Variants in RAD51B observed in about 807,000 individuals in gnomAD.
RAD51B encodes DNA repair protein RAD51 homolog 2.
A neutral mutation model predicts 42.2 loss-of-function variants in RAD51B; 38 were observed. The ratio of observed to expected loss-of-function variants is 0.90; its 90% CI spans 0.70 to 1.18. RAD51B has a LOEUF of 1.18. RAD51B is among the 50% of genes most tolerant of loss of function. The pLI is 0.00. For synonymous variants in RAD51B, 154 were observed against 145.2 expected (o/e 1.06, Z -0.43); for missense variants, 373 against 400.7 (o/e 0.93, Z 0.59).
At chr14:68,095,633 T>A (rs1028028827) in intron 7 of RAD51B, among the ~76,000 whole-genome samples, 1 of 152,082 alleles carries the variant, frequency 6.6e-6, no homozygotes, top group African/African-American at 2.4e-5. Context: ...AGTAGCACTT[T>A]ATATTTACTT....
At chr14:67,825,606 T>C in intron 3 of RAD51B, 29 bp downstream of exon 3, 1 of 1,498,518 alleles carries the variant, frequency 6.7e-7, no homozygotes, top group Non-Finnish European at 9.2e-7. Flanking sequence ...ATGATTTGAT[T>C]ATGAATGATT....
chr14:68,567,676 A>G (rs1381969091), intron 10 of RAD51B, among the ~76,000 whole-genome samples: 2 of 152,204 alleles, frequency 1.3e-5, no homozygotes, highest in African/African-American at 4.8e-5. Flanking sequence ...TTTCTACCCC[A>G]GTCATCACGG....
chr14:68,508,318 C>T (rs1261828860), intron 10 of RAD51B, among the ~76,000 whole-genome samples: 3 of 152,118 alleles, frequency 2.0e-5, no homozygotes, highest in African/African-American at 7.2e-5. Context: ...CATGGCTCCT[C>T]AGTGAATTCT....
intron 10 of RAD51B, among the ~76,000 whole-genome samples, chr14:68,517,650 G>C (rs994701424): frequency 1.3e-5 from 2 of 152,160 alleles, no homozygotes; most frequent in Admixed American, 6.5e-5. Context: ...AGGTAAATGT[G>C]CTACATGCTA....
At chr14:67,947,811 T>C (rs2045446568) in intron 7 of RAD51B, among the ~76,000 whole-genome samples, 1 of 152,236 alleles carries the variant, frequency 6.6e-6, no homozygotes. Flanking sequence ...CTTTGTGTTC[T>C]GATGTATATA....
intron 10 of RAD51B, among the ~76,000 whole-genome samples, chr14:68,580,552 G>A (rs1464176692): frequency 2.6e-5 from 4 of 152,238 alleles, no homozygotes; most frequent in East Asian, 1.9e-4. Flanking sequence ...TGTTATACAC[G>A]TGGGCTTTAT....
chr14:68,579,400 T>C (rs546053959), intron 10 of RAD51B, among the ~76,000 whole-genome samples: 129 of 152,188 alleles, frequency 8.5e-4, no homozygotes, highest in Non-Finnish European at 1.5e-3. Flanking sequence ...ATCAAAGGCA[T>C]AGCAGCAGCC....
intron 11 of RAD51B, among the ~76,000 whole-genome samples, chr14:68,668,832 G>A (rs1054304176): frequency 6.6e-6 from 1 of 152,242 alleles, no homozygotes; most frequent in African/African-American, 2.4e-5. Flanking sequence ...GCATCTGCAT[G>A]TCTGAAGCAG....
At chr14:68,530,613 G>GA (rs766029411) in intron 10 of RAD51B, among the ~76,000 whole-genome samples, 19 of 151,862 alleles carry the variant, frequency 1.3e-4, no homozygotes, top group Non-Finnish European at 1.5e-4. Context: ...TCTGAAAGGG[G>GA]AAAAAAATCA....
chr14:68,506,831 A>G (rs1885364605), intron 10 of RAD51B, among the ~76,000 whole-genome samples: 1 of 152,200 alleles, frequency 6.6e-6, no homozygotes, highest in Admixed American at 6.5e-5. Context: ...GTGTGCACAC[A>G]TGGTAGGCGC....
At chr14:68,133,838 A>G (rs983998293) in intron 7 of RAD51B, among the ~76,000 whole-genome samples, 12 of 152,070 alleles carry the variant, frequency 7.9e-5, no homozygotes, top group Non-Finnish European at 1.3e-4. Flanking sequence ...AAATAATTAT[A>G]TATTCATAGC....
chr14:68,186,598 A>G (rs1171226924), intron 7 of RAD51B, among the ~76,000 whole-genome samples: 1 of 152,226 alleles, frequency 6.6e-6, no homozygotes, highest in Non-Finnish European at 1.5e-5. Flanking sequence ...CAAGCAACCA[A>G]CAAACATATG....
intron 10 of RAD51B, among the ~76,000 whole-genome samples, chr14:68,475,583 A>C (rs1347924734): frequency 6.6e-6 from 1 of 152,180 alleles, no homozygotes; most frequent in Non-Finnish European, 1.5e-5. Flanking sequence ...AAGAAACTTC[A>C]ATGAGAGCTA....
intron 8 of RAD51B, 98 bp downstream of exon 8, chr14:68,292,078 G>T: frequency 2.6e-6 from 3 of 1,134,622 alleles, no homozygotes; most frequent in Non-Finnish European, 3.9e-6. Context: ...TGGCTAATAG[G>T]CCCTGGCCAG....
At chr14:68,460,326 G>A (rs1452584872) in intron 9 of RAD51B, among the ~76,000 whole-genome samples, 3 of 152,222 alleles carry the variant, frequency 2.0e-5, no homozygotes, top group Admixed American at 2.0e-4. Context: ...GGTGGCAGGT[G>A]CCTGTAATCC....
At chr14:68,033,076 A>G (rs1273777017) in intron 7 of RAD51B, among the ~76,000 whole-genome samples, 2 of 152,086 alleles carry the variant, frequency 1.3e-5, no homozygotes, top group Non-Finnish European at 2.9e-5. Context: ...TGCTCATGAC[A>G]TTTTACAGTT....
chr14:67,899,223 A>G (rs1469545938), intron 7 of RAD51B, among the ~76,000 whole-genome samples: 62 of 148,170 alleles, frequency 4.2e-4, no homozygotes, highest in Admixed American at 6.7e-4. Flanking sequence ...TTTTTTTTTT[A>G]TATTTTTAGT....
At chr14:68,339,478 C>T (rs1481847075) in intron 8 of RAD51B, 6 of 482,454 alleles carry the variant, frequency 1.2e-5, no homozygotes, top group East Asian at 6.8e-5. Flanking sequence ...TTCTTTATGA[C>T]AGCAGGAGCT....
intron 7 of RAD51B, among the ~76,000 whole-genome samples, chr14:67,994,440 A>G (rs929908919): frequency 1.3e-5 from 2 of 152,236 alleles, no homozygotes; most frequent in Non-Finnish European, 2.9e-5. Context: ...TTATTTTAAT[A>G]TAAGATGGTT....
Sources: gnomAD v4.1 joint callset for allele counts (sites outside exome capture counted in the v4.1 genomes callset) on GRCh38, gnomAD v4.1.1 for gene constraint, MANE v1.5 for transcripts, NCBI Gene and HGNC (gene_info 2026-07-23, HGNC 2026-07-21) for gene names.